The following FTCDNL1 variants were observed in gnomAD, a reference collection of about 807,000 sequenced individuals.
FTCDNL1 encodes formiminotransferase N-terminal subdomain-containing protein.
A neutral mutation model predicts 5.9 loss-of-function variants in FTCDNL1; 11 were observed. That is an observed-to-expected ratio of 1.87 (90% CI 1.18 to 3.10). The LOEUF (loss-of-function observed/expected upper bound fraction) is 3.10. FTCDNL1 is among the 30% of genes most tolerant of loss of function. FTCDNL1 has a pLI of 0.00. For synonymous variants in FTCDNL1, 58 were observed against 24.8 expected, an observed-to-expected ratio of 2.34 and a Z score of -3.99; for missense variants, 115 against 65.5, an observed-to-expected ratio of 1.76 and a Z score of -2.61.
chr2:199,747,482 A>G, the FTCDNL1 span, among the ~76,000 whole-genome samples: 1 of 152,140 alleles, frequency 6.6e-6, no homozygotes, highest in South Asian at 2.1e-4. Context: ...GGTTTTTCAT[A>G]TGAGAGAAGA....
At chr2:199,755,867 C>T (rs193188604), downstream of FTCDNL1, among the ~76,000 whole-genome samples, 60 of 152,204 alleles carry the variant, frequency 3.9e-4, no homozygotes, top group African/African-American at 5.8e-4. Flanking sequence ...ACTTTGCTAA[C>T]GGTAAGTATG....
At chr2:199,706,400 CCTCTAT>C in the FTCDNL1 span, among the ~76,000 whole-genome samples, 1 of 152,104 alleles carries the variant, frequency 6.6e-6, no homozygotes. Context: ...CCATGCATAA[CCTCTAT>C]CTCTGTCACC....
the FTCDNL1 span, among the ~76,000 whole-genome samples, chr2:199,672,969 T>C: frequency 6.6e-6 from 1 of 152,120 alleles, no homozygotes; most frequent in East Asian, 1.9e-4. Flanking sequence ...ATCAAAGAAT[T>C]TGCAGATTCT....
intron 3 of FTCDNL1, among the ~76,000 whole-genome samples, chr2:199,791,980 T>A (rs1020341515): frequency 6.6e-6 from 1 of 152,158 alleles, no homozygotes; most frequent in African/African-American, 2.4e-5. Flanking sequence ...ATTAGCTACG[T>A]TATCCCCTTT....
At chr2:199,795,852 A>G (rs1436403482) in intron 3 of FTCDNL1, among the ~76,000 whole-genome samples, 1 of 151,874 alleles carries the variant, frequency 6.6e-6, no homozygotes, top group Admixed American at 6.6e-5. Flanking sequence ...ATTGTCATCC[A>G]TATTTCCTTT....
At chr2:199,709,915 T>C in the FTCDNL1 span, among the ~76,000 whole-genome samples, 1 of 152,282 alleles carries the variant, frequency 6.6e-6, no homozygotes, top group African/African-American at 2.4e-5. Flanking sequence ...TTTGTCCCAT[T>C]CATATATTTG....
At chr2:199,709,921 A>G in the FTCDNL1 span, among the ~76,000 whole-genome samples, 1 of 145,322 alleles carries the variant, frequency 6.9e-6, no homozygotes, top group African/African-American at 2.8e-5. Flanking sequence ...CCATTCATAT[A>G]TTTGTTAATC....
At chr2:199,768,834 T>C (rs1408790744) in intron 3 of FTCDNL1, among the ~76,000 whole-genome samples, 1 of 152,056 alleles carries the variant, frequency 6.6e-6, no homozygotes, top group African/African-American at 2.4e-5. Context: ...GCTGCTGAGA[T>C]TGGAGGTAAG....
the FTCDNL1 span, among the ~76,000 whole-genome samples, chr2:199,737,936 C>T: frequency 4.2e-4 from 64 of 152,160 alleles, no homozygotes; most frequent in African/African-American, 1.4e-3. Context: ...CATAAGGTTC[C>T]CTGTTTCTTC....
chr2:199,676,150 C>T, the FTCDNL1 span, among the ~76,000 whole-genome samples: 2 of 152,110 alleles, frequency 1.3e-5, no homozygotes. Context: ...GTAATAGAAA[C>T]TGAGGAATGT....
At chr2:199,772,613 G>A (rs1476937309) in intron 3 of FTCDNL1, among the ~76,000 whole-genome samples, 1 of 152,074 alleles carries the variant, frequency 6.6e-6, no homozygotes, top group Non-Finnish European at 1.5e-5. Flanking sequence ...TCTTACCAAG[G>A]CCTCCAATAC....
chr2:199,762,214 A>G (rs1018963562), intron 3 of FTCDNL1, among the ~76,000 whole-genome samples: 1 of 152,140 alleles, frequency 6.6e-6, no homozygotes, highest in African/African-American at 2.4e-5. Context: ...CCCCATCTCT[A>G]CTAAAAATAC....
At chr2:199,741,233 T>G in the FTCDNL1 span, among the ~76,000 whole-genome samples, 128,747 of 152,090 alleles carry the variant, frequency 0.85, 55,573 homozygotes, top group East Asian at 1. Flanking sequence ...CTATGATCGC[T>G]CCACTGCACG....
At chr2:199,668,753 C>T in the FTCDNL1 span, among the ~76,000 whole-genome samples, 1 of 152,114 alleles carries the variant, frequency 6.6e-6, no homozygotes, top group African/African-American at 2.4e-5. Context: ...CTGCTTCACA[C>T]TGCAGCCAGA....
the FTCDNL1 span, among the ~76,000 whole-genome samples, chr2:199,751,598 G>A: frequency 1.3e-5 from 2 of 152,068 alleles, no homozygotes; most frequent in Non-Finnish European, 2.9e-5. Flanking sequence ...CTCCTCAAAA[G>A]CCCATTCCAG....
At chr2:199,838,495 G>A (rs902598788) in intron 3 of FTCDNL1, among the ~76,000 whole-genome samples, 26 of 152,202 alleles carry the variant, frequency 1.7e-4, no homozygotes, top group African/African-American at 6.0e-4. Flanking sequence ...AAATAAAGAG[G>A]AGGCAATCGC....
chr2:199,841,896 G>T (rs1298015192), intron 3 of FTCDNL1, among the ~76,000 whole-genome samples: 3 of 152,042 alleles, frequency 2.0e-5, no homozygotes, highest in Non-Finnish European at 4.4e-5. Context: ...TAATTTTCTT[G>T]CTTAAAACAC....
chr2:199,782,136 G>A lies in FTCDNL1; in HGVS notation c.212-21301C>T, dbSNP rs146576098. Among the ~76,000 whole-genome samples, 13 of 152,302 alleles carry A rather than the reference G, an allele frequency of 8.5e-5. No homozygotes were observed. The East Asian group carries it at 2.5e-3, about 29-fold the overall frequency. On this transcript the variant is annotated intron_variant, in intron 3 of 3. Transcript: ENST00000416668. Reference sequence around the variant, plus strand: ...CAAAGACAGCACAACTGGCACAAGAGCTACAACTGGGGCCACTATTTGTGA... The same window carrying A: ...CAAAGACAGCACAACTGGCACAAGAACTACAACTGGGGCCACTATTTGTGA...
chr2:199,692,522 A>AT, the FTCDNL1 span, among the ~76,000 whole-genome samples: 1 of 152,248 alleles, frequency 6.6e-6, no homozygotes, highest in African/African-American at 2.4e-5. Flanking sequence ...TGTGAGAAGC[A>AT]TATTTAGTAA....
Sources: allele counts gnomAD v4.1 joint callset (sites outside exome capture counted in the v4.1 genomes callset), GRCh38; gene constraint gnomAD v4.1.1; transcripts MANE v1.5; gene names NCBI Gene and HGNC (gene_info 2026-07-23, HGNC 2026-07-21).